Variants in PTPRS observed in about 807,000 individuals in gnomAD.
PTPRS encodes protein tyrosine phosphatase receptor type S, also known as receptor-type tyrosine-protein phosphatase S.
Under a neutral mutation model 215.3 loss-of-function variants are expected in PTPRS, and 63 were observed. The observed-to-expected ratio is 0.29, with a 90% CI of 0.24 to 0.36. The LOEUF (loss-of-function observed/expected upper bound fraction) is 0.36, where lower values mean the gene tolerates loss of function less well. Ranked by LOEUF, PTPRS falls within the 10% of genes least tolerant of loss-of-function variation. PTPRS has a pLI of 1.00. For synonymous variants in PTPRS, 1,404 were observed against 1,191.4 expected, an observed-to-expected ratio of 1.18 and a Z score of -3.68; for missense variants, 2,258 against 2,825.8, an observed-to-expected ratio of 0.80 and a Z score of 4.56.
At chr19:5,336,218 T>G (rs1360220551) in intron 1 of PTPRS, among the ~76,000 whole-genome samples, 1 of 145,396 alleles carries the variant, frequency 6.9e-6, no homozygotes, top group Non-Finnish European at 1.5e-5. Context: ...GGTTTTTTTT[T>G]TTCTTCCCTT....
chr19:5,217,944 C>T (rs1157371553), intron 25 of PTPRS, among the ~76,000 whole-genome samples: 1 of 152,032 alleles, frequency 6.6e-6, no homozygotes, highest in Non-Finnish European at 1.5e-5. Flanking sequence ...CCCTGGCAGC[C>T]ATGGTGGGAA....
intron 30 of PTPRS, among the ~76,000 whole-genome samples, chr19:5,213,579 CGTTTTGTCTGTTTAG>C (rs1362989178): frequency 1.3e-5 from 2 of 152,156 alleles, no homozygotes; most frequent in Non-Finnish European, 2.9e-5. Context: ...AAGGGCAGAA[CGTTTTGTCTGTTTAG>C]GTCCCTGTTG....
In PTPRS at chr19:5,212,002, G is replaced by A. The variant is rs750341467; in HGVS notation, c.5018C>T (p.Pro1673Leu). ...AYIQKLAQVE[P>L]GEHVTGMELE... is the part of the protein sequence containing the mutation. ...TTCCATGCCAGTGACGTGTTCGCCA[G>A]GCTCCACCTGGGCCAGCTTCTGGAT... The change falls in exon 32 of 38, where the codon CCT (proline) becomes CTT (leucine). Residue 1673 changes from proline to leucine, a missense_variant. Pro to Leu is a moderately conservative substitution (Grantham distance 98). This residue lies in a region of PTPRS where 927 missense variants were observed against 1,125.9 expected (regional missense o/e 0.82). Coordinates refer to ENST00000262963, the MANE Select transcript of PTPRS (RefSeq NM_002850.4). 3 of 1,612,696 alleles carry A rather than the reference G, an allele frequency of 1.9e-6. No homozygotes were observed. In the South Asian group the frequency reaches 3.3e-5, roughly 18 times the overall value.
chr19:5,336,185 G>A (rs965661994), intron 1 of PTPRS, among the ~76,000 whole-genome samples: 1 of 142,788 alleles, frequency 7.0e-6, no homozygotes, highest in African/African-American at 2.6e-5. Flanking sequence ...ATCAGCCAGA[G>A]ACAAGACAGA....
intron 4 of PTPRS, among the ~76,000 whole-genome samples, chr19:5,270,307 T>G: frequency 1.1e-5 from 1 of 88,578 alleles, no homozygotes; most frequent in African/African-American, 4.6e-5. Context: ...ACCCCCCTTT[T>G]AGAGACAGGG....
At chr19:5,336,093 TA>T (rs2050490383) in intron 1 of PTPRS, among the ~76,000 whole-genome samples, 1 of 151,812 alleles carries the variant, frequency 6.6e-6, no homozygotes, top group Admixed American at 6.6e-5. Context: ...TCCTACCCGT[TA>T]ATTTTCGCCT....
Position 5,240,297 on chromosome 19 carries a change from T to C in PTPRS, c.1606A>G (p.Arg536Gly), listed in dbSNP as rs2043918140. The change falls in exon 12 of 38, where the codon AGG becomes GGG. Residue 536 changes from arginine to glycine, a missense_variant. Arg to Gly is a moderately radical substitution (Grantham distance 125). Coordinates refer to ENST00000262963, the MANE Select transcript of PTPRS (RefSeq NM_002850.4). ...GACAGCGTGATGCTGGTCTCCGACC[T>C]GGCCTCGGCCCGCAGGTTCATGGGC... ...GQPMNLRAEA[R>G]SETSITLSWS... 6.2e-7 allele frequency: 1 copy of C among 1,604,306 alleles called. No homozygotes were observed. The highest frequency in any genetic ancestry group is 8.5e-7 in the Non-Finnish European group (1 of 1,176,584).
At chr19:5,260,136 G>A (rs1454491976) in intron 7 of PTPRS, among the ~76,000 whole-genome samples, 3 of 151,776 alleles carry the variant, frequency 2.0e-5, no homozygotes, top group Non-Finnish European at 4.4e-5. Flanking sequence ...AGATCAGAAA[G>A]AACTGTGGAG....
intron 1 of PTPRS, among the ~76,000 whole-genome samples, chr19:5,296,548 T>G (rs1337880025): frequency 6.7e-6 from 1 of 150,362 alleles, no homozygotes; most frequent in African/African-American, 2.4e-5. Context: ...AGAGGGGAGG[T>G]GACATGCGAA....
intron 33 of PTPRS, 69 bp downstream of exon 33, chr19:5,211,521 C>CT: frequency 6.7e-7 from 1 of 1,491,022 alleles, no homozygotes; most frequent in Middle Eastern, 2.2e-4. Flanking sequence ...TCCCACAAGA[C>CT]TGGAGGCCTC....
chr19:5,216,272 G>C (rs10413063), intron 26 of PTPRS, among the ~76,000 whole-genome samples: 76,902 of 151,966 alleles, frequency 0.51, 22,020 homozygotes, highest in African/African-American at 0.78. Flanking sequence ...TGTGGGCTCG[G>C]TTCTCCCTTC....
At chr19:5,289,336 C>T (rs2048620538) in intron 1 of PTPRS, among the ~76,000 whole-genome samples, 1 of 152,186 alleles carries the variant, frequency 6.6e-6, no homozygotes, top group Non-Finnish European at 1.5e-5. Flanking sequence ...TTCTTCCAGC[C>T]CCATTGTCAC....
In PTPRS at chr19:5,206,588, TGGGGCGGCCGGGGCCGGTGGG is replaced by T. The variant is rs2040382276; in HGVS notation, c.*165_*185del. On this transcript the variant is annotated 3_prime_UTR_variant, in exon 38 of 38. Transcript: ENST00000262963. Reference sequence around the variant, plus strand: ...CGGCGGCCGGTGCCAGGGAGGTCGCTGGGGCGGCCGGGGCCGGTGGGGGGGCTCGAGGGGCTGCGTCGTCCT... The same window carrying T: ...CGGCGGCCGGTGCCAGGGAGGTCGCTGGGGCTCGAGGGGCTGCGTCGTCCT... 1.0e-5 allele frequency: 5 copies of T among 495,402 alleles called. No homozygotes were observed. Among genetic ancestry groups the T allele is most frequent in the South Asian group, 6.8e-5 (3 of 44,246 alleles). 30.7% of individuals were successfully genotyped at this position (495,402 alleles called of 1,614,324 possible). A position where few individuals can be genotyped will look rare whatever the true frequency, so the allele number is the denominator to read the frequency against.
rs115289670 is a variant in PTPRS at position 5,218,698 on chromosome 19, G to A, written c.3935+89C>T. The A allele has an allele frequency of 1.3e-3, 1,960 of 1,555,578 alleles. 30 individuals are homozygous for A. In the African/African-American group the frequency reaches 0.024, roughly 19 times the overall value. On this transcript the variant is annotated intron_variant, in intron 24 of 37. Transcript: ENST00000262963. Reference sequence around the variant, plus strand: ...GTGTACAAGCTGTGGGGGCAGCCGGGCATCCCCTCTCCTGTGGGCACACTA... The same window carrying A: ...GTGTACAAGCTGTGGGGGCAGCCGGACATCCCCTCTCCTGTGGGCACACTA...
chr19:5,223,719 C>T (rs964529389), intron 17 of PTPRS, among the ~76,000 whole-genome samples: 4 of 151,398 alleles, frequency 2.6e-5, no homozygotes, highest in African/African-American at 4.9e-5. Context: ...CACACCACCA[C>T]GCCTGGGTAA....
Position 5,305,428 on chromosome 19 carries a change from T to C in PTPRS, c.-94-19194A>G, listed in dbSNP as rs186895751. On this transcript the variant is annotated intron_variant, in intron 1 of 37. Transcript: ENST00000262963. ...CAGGCAGGGTGAGGCATGCCTGTGG[T>C]TGTAGCTACTCAGGAGGCTGAAGCA... Among the ~76,000 whole-genome samples the C allele has an allele frequency of 2.6e-3, 396 of 152,046 alleles. 3 individuals carry two copies. Among genetic ancestry groups the C allele is most frequent in the African/African-American group, 9.0e-3 (372 of 41,484 alleles).
rs113561234 is a variant in PTPRS at position 5,269,334 on chromosome 19, C to T, written c.379+4108G>A. On this transcript the variant is annotated intron_variant, in intron 4 of 37. Coordinates refer to ENST00000262963, the MANE Select transcript of PTPRS (RefSeq NM_002850.4). ...CCGAGAACACCTAATTAAACAAAAA[C>T]GTACATCGCGAACCACACTCTGCCC... Among the ~76,000 whole-genome samples, 19 of 152,144 alleles carry T rather than the reference C, an allele frequency of 1.2e-4. No individual in the cohort carries two copies. In the East Asian group the frequency reaches 2.1e-3, roughly 17 times the overall value.
chr19:5,265,579 C>G (rs931107151), intron 4 of PTPRS, among the ~76,000 whole-genome samples: 2 of 151,584 alleles, frequency 1.3e-5, no homozygotes, highest in African/African-American at 4.9e-5. Context: ...TGGCCCCAAG[C>G]AATCCTCCCA....
chr19:5,215,422 A>G lies in PTPRS; in HGVS notation c.4195-10T>C, dbSNP rs1405752544. ...GTCCAGGGTCGATGGACTACAGAGG[A>G]AGGGGAGAGCGCGGGTGTCAGGGTA... is the stretch of plus-strand genomic sequence containing the variant. On this transcript the variant is annotated splice_polypyrimidine_tract_variant and intron_variant, in intron 27 of 37. Coordinates refer to ENST00000262963, the MANE Select transcript of PTPRS (RefSeq NM_002850.4). 2 of 1,611,090 alleles carry G rather than the reference A, an allele frequency of 1.2e-6. No individual in the cohort carries two copies. The highest frequency in any genetic ancestry group is 1.7e-6 in the Non-Finnish European group (2 of 1,178,438).
Sources: allele counts gnomAD v4.1 joint callset (sites outside exome capture counted in the v4.1 genomes callset), GRCh38; gene constraint gnomAD v4.1.1; regional missense constraint gnomAD v4.1.1; transcripts MANE v1.5; gene names NCBI Gene and HGNC (gene_info 2026-07-23, HGNC 2026-07-21).